COL24A1: variants seen among roughly 807,000 people sequenced by gnomAD.
COL24A1 encodes collagen alpha-1(XXIV) chain.
In COL24A1, 224 loss-of-function variants were observed where a neutral mutation model predicts 253.9. That is an observed-to-expected ratio of 0.88 (90% CI 0.79 to 0.99). The LOEUF (loss-of-function observed/expected upper bound fraction) is 0.99, where lower values mean the gene tolerates loss of function less well. Ranked by LOEUF, COL24A1 falls within the 50% of genes least tolerant of loss-of-function variation. The pLI is 0.00. For synonymous variants in COL24A1, 685 were observed against 673.7 expected, an observed-to-expected ratio of 1.02 and a Z score of -0.26; for missense variants, 2,131 against 2,068.5, an observed-to-expected ratio of 1.03 and a Z score of -0.59.
intron 14 of COL24A1, among the ~76,000 whole-genome samples, chr1:86,024,312 G>C (rs1697820105): frequency 1.3e-5 from 2 of 152,038 alleles, no homozygotes; most frequent in Admixed American, 1.3e-4. Context: ...TTTTGTGACA[G>C]CGGAAACACG....
rs776705474 is a variant in COL24A1 at position 86,125,304 on chromosome 1, C to CT, written c.1031dup (p.Thr345AspfsTer14). The CT allele has an allele frequency of 1.2e-6, 2 of 1,613,618 alleles. No individual in the cohort carries two copies. The highest frequency in any genetic ancestry group is 3.3e-5 in the Admixed American group (2 of 59,868). ...TGGTCACTGACAGGCTGAAATTTGT[C>CT]TGAGTATCTTCCTCAGTGATCATTT... is the stretch of plus-strand genomic sequence containing the variant. On this transcript the variant is annotated frameshift_variant, in exon 3 of 60. Coordinates refer to ENST00000370571, the MANE Select transcript of COL24A1 (RefSeq NM_152890.7). LOFTEE classifies it high-confidence loss of function.
chr1:85,786,123 C>T (rs1314414503), intron 48 of COL24A1, among the ~76,000 whole-genome samples: 1 of 152,188 alleles, frequency 6.6e-6, no homozygotes, highest in Non-Finnish European at 1.5e-5. Context: ...TTTTTTAAAG[C>T]ATCACTAGTC....
At chr1:85,860,161 CAT>C (rs1395013477) in intron 37 of COL24A1, among the ~76,000 whole-genome samples, 1 of 152,086 alleles carries the variant, frequency 6.6e-6, no homozygotes. Context: ...TTAACATTTA[CAT>C]ATGTGATAGT....
chr1:85,877,566 T>C (rs986993686), intron 32 of COL24A1, among the ~76,000 whole-genome samples: 3 of 152,224 alleles, frequency 2.0e-5, no homozygotes, highest in African/African-American at 4.8e-5. Flanking sequence ...TTTCACTATG[T>C]TGACCAGGCT....
chr1:86,042,117 T>C (rs1699538205), intron 12 of COL24A1, among the ~76,000 whole-genome samples: 1 of 152,148 alleles, frequency 6.6e-6, no homozygotes, highest in African/African-American at 2.4e-5. Context: ...ACACATACAT[T>C]GACTAATATT....
intron 43 of COL24A1, among the ~76,000 whole-genome samples, chr1:85,828,966 A>G (rs1570796416): frequency 1.3e-5 from 2 of 151,542 alleles, no homozygotes; most frequent in Non-Finnish European, 2.9e-5. Flanking sequence ...TCCTGTCATT[A>G]TGCTGTTAGC....
At chr1:86,056,875 A>C (rs1054811750) in intron 10 of COL24A1, among the ~76,000 whole-genome samples, 1 of 152,082 alleles carries the variant, frequency 6.6e-6, no homozygotes, top group African/African-American at 2.4e-5. Context: ...AAAACACAAA[A>C]CAAAAACAAC....
chr1:86,039,059 G>C (rs754552167), intron 12 of COL24A1, among the ~76,000 whole-genome samples: 1 of 152,130 alleles, frequency 6.6e-6, no homozygotes, highest in East Asian at 1.9e-4. Flanking sequence ...AAGAGTGACT[G>C]TCTAGGATTA....
At chr1:85,995,158 T>C (rs1571521200) in intron 19 of COL24A1, among the ~76,000 whole-genome samples, 1 of 56,724 alleles carries the variant, frequency 1.8e-5, no homozygotes, top group Non-Finnish European at 4.2e-5. Flanking sequence ...ATTTACAGTA[T>C]TTTTTTTAAA....
At chr1:85,861,343 A>G (rs1413429622) in intron 37 of COL24A1, among the ~76,000 whole-genome samples, 1 of 152,176 alleles carries the variant, frequency 6.6e-6, no homozygotes, top group African/African-American at 2.4e-5. Context: ...GATTGTTAAT[A>G]TATTCTGGAT....
At chr1:85,772,971 C>T (rs1195977223) in intron 53 of COL24A1, among the ~76,000 whole-genome samples, 2 of 151,998 alleles carry the variant, frequency 1.3e-5, no homozygotes, top group Admixed American at 6.6e-5. Context: ...TGGTATTGCC[C>T]AGGTTTTCTT....
chr1:86,104,479 T>C (rs1343711374), intron 5 of COL24A1, among the ~76,000 whole-genome samples: 1 of 152,258 alleles, frequency 6.6e-6, no homozygotes, highest in Non-Finnish European at 1.5e-5. Context: ...AGAGTTCTTG[T>C]ACTGGTTCTT....
At position 85,873,279 on chromosome 1, in the gene COL24A1, G is replaced by A. The variant is rs536577158; in HGVS notation, c.3138+1370C>T. On this transcript the variant is annotated intron_variant, in intron 35 of 59. Transcript: ENST00000370571. ...TTCAACCATTGTGGAAGACAGTGTGGCGATTCCTCAAGGATCTAGAATTAG... is the reference window on the plus strand; with the variant it reads ...TTCAACCATTGTGGAAGACAGTGTGACGATTCCTCAAGGATCTAGAATTAG... Among the ~76,000 whole-genome samples the A allele has an allele frequency of 1.8e-3, 269 of 152,126 alleles. 1 individual carries two copies. The highest frequency in any genetic ancestry group is 6.1e-3 in the African/African-American group (254 of 41,542).
At chr1:85,902,656 G>A (rs1362078290) in intron 28 of COL24A1, among the ~76,000 whole-genome samples, 2 of 152,134 alleles carry the variant, frequency 1.3e-5, no homozygotes, top group African/African-American at 4.8e-5. Context: ...ATGGGGGCTG[G>A]AGGTGATCTC....
rs1362463826 is a variant in COL24A1 at position 85,920,023 on chromosome 1, GT to G, written c.2563-8591del. Among the ~76,000 whole-genome samples, 3 of 152,198 alleles carry G rather than the reference GT, an allele frequency of 2.0e-5. No individual in the cohort carries two copies. In the East Asian group the frequency reaches 5.8e-4, roughly 29 times the overall value. On this transcript the variant is annotated intron_variant, in intron 24 of 59. Coordinates refer to ENST00000370571, the MANE Select transcript of COL24A1 (RefSeq NM_152890.7). Reference sequence around the variant, plus strand: ...ATTTCTTCAATAAATGCAAAATGAGGTGAAGAAAATAAAATTAAGCATATTT... The same window carrying G: ...ATTTCTTCAATAAATGCAAAATGAGGGAAGAAAATAAAATTAAGCATATTT...
intron 53 of COL24A1, among the ~76,000 whole-genome samples, chr1:85,765,767 T>C (rs1019262708): frequency 2.0e-5 from 3 of 151,760 alleles, no homozygotes; most frequent in Non-Finnish European, 4.4e-5. Flanking sequence ...TTTGCCGATA[T>C]CTGACACTAG....
chr1:86,111,290 G>A (rs572004925), intron 5 of COL24A1, among the ~76,000 whole-genome samples: 47 of 152,224 alleles, frequency 3.1e-4, no homozygotes, highest in East Asian at 1.4e-3. Flanking sequence ...TCTAGCTAGA[G>A]GATTGTAAAT....
At chr1:85,803,929 A>T (rs982851551) in intron 47 of COL24A1, among the ~76,000 whole-genome samples, 3 of 152,214 alleles carry the variant, frequency 2.0e-5, no homozygotes, top group African/African-American at 7.2e-5. Flanking sequence ...TATGTCATAT[A>T]AATATGAGAA....
chr1:86,095,802 G>A (rs1468022402), intron 5 of COL24A1, among the ~76,000 whole-genome samples: 1 of 152,076 alleles, frequency 6.6e-6, no homozygotes, highest in African/African-American at 2.4e-5. Flanking sequence ...AAGAGGAAAA[G>A]GAAATTGCCT....
Sources: allele counts gnomAD v4.1 joint callset (sites outside exome capture counted in the v4.1 genomes callset), GRCh38; gene constraint gnomAD v4.1.1; transcripts MANE v1.5; gene names NCBI Gene and HGNC (gene_info 2026-07-23, HGNC 2026-07-21).